NBEA: variants seen among roughly 807,000 people sequenced by gnomAD.
The protein encoded by NBEA is lysosomal-trafficking regulator 2.
In NBEA, 44 loss-of-function variants were observed where a neutral mutation model predicts 343.4. That is an observed-to-expected ratio of 0.13 (90% CI 0.10 to 0.16). NBEA has a LOEUF of 0.16. Ranked by LOEUF, NBEA falls within the 10% of genes least tolerant of loss-of-function variation. The pLI is 1.00. For missense variants in NBEA, 2,555 were observed against 3,631.3 expected (o/e 0.70, Z 7.62); for synonymous variants, 1,175 against 1,238.7 (o/e 0.95, Z 1.08).
intron 46 of NBEA, among the ~76,000 whole-genome samples, chr13:35,587,730 A>G (rs950866001): frequency 2.0e-5 from 3 of 152,206 alleles, no homozygotes; most frequent in African/African-American, 7.2e-5. Context: ...AACCTCATCT[A>G]TCCCTAATCA....
chr13:35,308,753 A>G (rs1053433174), intron 35 of NBEA, among the ~76,000 whole-genome samples: 4 of 149,868 alleles, frequency 2.7e-5, no homozygotes, highest in African/African-American at 9.8e-5. Context: ...AGAAATCACT[A>G]GCATAAACCA....
At chr13:35,075,687 CTAAT>C (rs1205950936) in intron 10 of NBEA, among the ~76,000 whole-genome samples, 3 of 145,672 alleles carry the variant, frequency 2.1e-5, no homozygotes, top group Admixed American at 1.4e-4. Context: ...GATTACCTTG[CTAAT>C]TAATCAAAGT....
intron 10 of NBEA, among the ~76,000 whole-genome samples, chr13:35,079,968 C>G (rs947034230): frequency 1.1e-4 from 16 of 152,072 alleles, no homozygotes; most frequent in African/African-American, 3.9e-4. Context: ...AGTATAGGTA[C>G]CCATACTAAA....
chr13:35,642,782 C>G (rs1157903905), intron 49 of NBEA, among the ~76,000 whole-genome samples: 4 of 152,038 alleles, frequency 2.6e-5, no homozygotes, highest in Non-Finnish European at 1.5e-5. Context: ...AATTTTGGCT[C>G]AAATAGAAAC....
At chr13:35,410,831 G>A (rs2043538429) in intron 38 of NBEA, among the ~76,000 whole-genome samples, 1 of 151,814 alleles carries the variant, frequency 6.6e-6, no homozygotes, top group Non-Finnish European at 1.5e-5. Context: ...TAGAAACTCT[G>A]AAAATTGCAC....
At chr13:35,467,846 C>G (rs2075455040) in intron 40 of NBEA, among the ~76,000 whole-genome samples, 1 of 152,078 alleles carries the variant, frequency 6.6e-6, no homozygotes, top group African/African-American at 2.4e-5. Context: ...CAATATTAAA[C>G]TAAGGTTAGG....
chr13:35,268,869 T>C (rs1457550936), intron 34 of NBEA, among the ~76,000 whole-genome samples: 1 of 152,090 alleles, frequency 6.6e-6, no homozygotes, highest in Non-Finnish European at 1.5e-5. Context: ...ATGGAACATC[T>C]TTAAAGTGCT....
intron 34 of NBEA, among the ~76,000 whole-genome samples, chr13:35,289,169 A>T (rs936577224): frequency 6.6e-6 from 1 of 151,908 alleles, no homozygotes; most frequent in Non-Finnish European, 1.5e-5. Flanking sequence ...CACCTCAAGA[A>T]ACAAAAATAA....
At chr13:35,625,362 A>G (rs939025879) in intron 48 of NBEA, among the ~76,000 whole-genome samples, 12 of 152,202 alleles carry the variant, frequency 7.9e-5, no homozygotes, top group Non-Finnish European at 1.3e-4. Context: ...CACATTTGTA[A>G]TTCCAGCACT....
intron 38 of NBEA, among the ~76,000 whole-genome samples, chr13:35,423,981 G>C (rs2044475797): frequency 6.6e-6 from 1 of 152,202 alleles, no homozygotes; most frequent in South Asian, 2.1e-4. Context: ...GAATGCTTGT[G>C]ATTTCTGCAG....
chr13:34,947,322 T>G (rs1232114255), intron 1 of NBEA, among the ~76,000 whole-genome samples: 4 of 152,176 alleles, frequency 2.6e-5, no homozygotes, highest in African/African-American at 7.2e-5. Context: ...TTTTGTGTAT[T>G]GCTAGCTGCT....
intron 10 of NBEA, among the ~76,000 whole-genome samples, chr13:35,093,726 C>T (rs2065195907): frequency 1.3e-5 from 2 of 151,962 alleles, no homozygotes; most frequent in South Asian, 4.1e-4. Flanking sequence ...ATTTCTAAAG[C>T]ATTCATCTAT....
intron 34 of NBEA, among the ~76,000 whole-genome samples, chr13:35,255,997 C>T (rs777106329): frequency 9.2e-5 from 14 of 151,614 alleles, no homozygotes; most frequent in Non-Finnish European, 1.9e-4. Flanking sequence ...GAGTGTCCAG[C>T]TGTCAGTGGA....
chr13:35,339,539 A>G (rs2039460430), intron 36 of NBEA, among the ~76,000 whole-genome samples: 1 of 152,138 alleles, frequency 6.6e-6, no homozygotes, highest in South Asian at 2.1e-4. Flanking sequence ...GTAGTAGTCT[A>G]TTCTTGCATT....
chr13:35,361,358 G>T (rs1402452643), intron 38 of NBEA, among the ~76,000 whole-genome samples: 4 of 152,114 alleles, frequency 2.6e-5, no homozygotes, highest in African/African-American at 9.6e-5. Flanking sequence ...CAAAAACATA[G>T]AACTTGGGAC....
intron 1 of NBEA, among the ~76,000 whole-genome samples, chr13:34,986,895 G>A (rs947218391): frequency 1.3e-5 from 2 of 150,576 alleles, no homozygotes; most frequent in African/African-American, 4.9e-5. Flanking sequence ...TTTATTTTGA[G>A]CCTCTGTGTG....
intron 38 of NBEA, among the ~76,000 whole-genome samples, chr13:35,427,312 G>C (rs1194543410): frequency 2.0e-5 from 3 of 152,060 alleles, no homozygotes; most frequent in Non-Finnish European, 2.9e-5. Flanking sequence ...TGGGTTTTTG[G>C]TGTGGATGTC....
At chr13:35,327,837 A>C (rs2038670679) in intron 36 of NBEA, among the ~76,000 whole-genome samples, 1 of 151,992 alleles carries the variant, frequency 6.6e-6, no homozygotes, top group Admixed American at 6.6e-5. Flanking sequence ...CAGACTGCAA[A>C]AGAGAAAAAT....
chr13:35,127,339 T>G (rs1354279012), intron 17 of NBEA, among the ~76,000 whole-genome samples: 1 of 152,172 alleles, frequency 6.6e-6, no homozygotes, highest in African/African-American at 2.4e-5. Flanking sequence ...TTGAGGAAAT[T>G]GTGGGGAATA....
Sources: allele counts gnomAD v4.1 joint callset (sites outside exome capture counted in the v4.1 genomes callset), GRCh38; gene constraint gnomAD v4.1.1; transcripts MANE v1.5; gene names NCBI Gene and HGNC (gene_info 2026-07-23, HGNC 2026-07-21).